The following SAMM50 variants were observed in gnomAD, a reference collection of about 807,000 sequenced individuals.
SAMM50 encodes the protein SAMM50 sorting and assembly machinery component, also known as sorting and assembly machinery component 50 homolog.
A neutral mutation model predicts 66.9 loss-of-function variants in SAMM50; 47 were observed. The observed-to-expected ratio is 0.70, with a 90% confidence interval of 0.56 to 0.90. The LOEUF is 0.90. SAMM50 is among the 40% of genes least tolerant of loss of function. The pLI, the probability that SAMM50 is intolerant of heterozygous loss-of-function variation, is 0.00. For synonymous variants in SAMM50, 191 were observed against 214.1 expected (o/e 0.89, Z 0.94); for missense variants, 535 against 595.3 (o/e 0.90, Z 1.05).
intron 10 of SAMM50, among the ~76,000 whole-genome samples, chr22:43,980,054 A>C: frequency 6.7e-6 from 1 of 149,470 alleles, no homozygotes. Context: ...CCATCTACCC[A>C]CCCATTTACC....
intron 3 of SAMM50, among the ~76,000 whole-genome samples, chr22:43,966,631 C>T (rs2050174859): frequency 6.6e-6 from 1 of 152,286 alleles, no homozygotes; most frequent in Admixed American, 6.5e-5. Context: ...GCTGGGATTA[C>T]AGGTGTGAGC....
At chr22:43,986,677 G>A (rs1262821501) in intron 12 of SAMM50, 1 of 151,474 alleles carries the variant, frequency 6.6e-6, no homozygotes, top group African/African-American at 2.4e-5. Context: ...TCAACCTCCT[G>A]AATAGCTGGG....
chr22:43,958,786 CT>C (rs1005931687), intron 1 of SAMM50, among the ~76,000 whole-genome samples: 1 of 152,032 alleles, frequency 6.6e-6, no homozygotes, highest in African/African-American at 2.4e-5. Context: ...CTGTGGAGCT[CT>C]TTTTACATTA....
intron 10 of SAMM50, among the ~76,000 whole-genome samples, chr22:43,980,090 A>G (rs56077346): frequency 0.34 from 42,696 of 126,138 alleles, 6,723 homozygotes; most frequent in African/African-American, 0.54. Flanking sequence ...CCGTCCGTCC[A>G]TCCATCCACC....
chr22:43,991,051 A>G (rs1265793044), intron 14 of SAMM50, among the ~76,000 whole-genome samples: 2 of 150,872 alleles, frequency 1.3e-5, no homozygotes, highest in Middle Eastern at 6.4e-3. Flanking sequence ...ATCTTGGCTC[A>G]CTGCAACCTC....
Position 43,964,471 on chromosome 22 carries a change from A to G in SAMM50, c.152A>G (p.His51Arg). ...ENKDVVVQHV[H>R]FDGLGRTKDD... Reference sequence around the variant, plus strand: ...TTTTAGGTGGTTGTTCAACATGTTCATTTTGATGGACTTGGAAGGACTAAA... The same window carrying G: ...TTTTAGGTGGTTGTTCAACATGTTCGTTTTGATGGACTTGGAAGGACTAAA... Residue 51 changes from histidine (H) to arginine (R), a missense_variant, in exon 3 of 15, where the codon CAT becomes CGT. His to Arg is a conservative substitution (Grantham distance 29). Coordinates refer to ENST00000350028, the MANE Select transcript of SAMM50 (RefSeq NM_015380.5). The G allele has an allele frequency of 6.2e-7, 1 of 1,609,792 alleles. No homozygotes were observed.
intron 1 of SAMM50, among the ~76,000 whole-genome samples, chr22:43,960,603 C>T (rs1233669505): frequency 3.3e-5 from 5 of 152,094 alleles, no homozygotes; most frequent in Non-Finnish European, 2.9e-5. Flanking sequence ...GTGGCACGCA[C>T]CTGTAATCCC....
intron 1 of SAMM50, chr22:43,956,963 G>T: frequency 1.6e-6 from 1 of 622,048 alleles, no homozygotes; most frequent in Non-Finnish European, 2.9e-6. Flanking sequence ...AGTGCAACCT[G>T]AGCTCTTCCT....
At chr22:43,982,106 CT>C in intron 11 of SAMM50, among the ~76,000 whole-genome samples, 1 of 152,176 alleles carries the variant, frequency 6.6e-6, no homozygotes, top group African/African-American at 2.4e-5. Flanking sequence ...GGCAAAAAAA[CT>C]TTTTTTTCAA....
Position 43,968,795 on chromosome 22 carries a change from A to G in SAMM50, c.299A>G (p.Asp100Gly), listed in dbSNP as rs1282216096. ...CGTCTTGGAATTTTTAGACAAGTGG[A>G]TGTTTTGATTGACACATGTCAAGGT... ...LLRLGIFRQV[D>G]VLIDTCQGDD... The change falls in exon 4 of 15, where the codon GAT becomes GGT. Residue 100 changes from aspartate to glycine, a missense_variant. By Grantham distance (94) the Asp-to-Gly change is moderately conservative. Transcript: ENST00000350028. The G allele has an allele frequency of 5.0e-6, 8 of 1,611,872 alleles. No individual in the cohort carries two copies. The highest frequency in any genetic ancestry group is 5.1e-6 in the Non-Finnish European group (6 of 1,177,930).
At chr22:43,978,016 C>G (rs1447898726) in intron 10 of SAMM50, 58 bp downstream of exon 10, 1 of 1,156,278 alleles carries the variant, frequency 8.6e-7, no homozygotes, top group Non-Finnish European at 1.3e-6. Flanking sequence ...GGGGATCTTA[C>G]CACAGAATCT....
At chr22:43,960,877 T>C (rs910661930) in intron 1 of SAMM50, among the ~76,000 whole-genome samples, 2 of 152,142 alleles carry the variant, frequency 1.3e-5, no homozygotes, top group African/African-American at 2.4e-5. Context: ...TGAAGCTTCA[T>C]AGGGGCAAGT....
intron 4 of SAMM50, among the ~76,000 whole-genome samples, chr22:43,969,692 G>A (rs1041194151): frequency 1.3e-5 from 2 of 152,240 alleles, no homozygotes; most frequent in African/African-American, 4.8e-5. Context: ...AGAAGGGCTG[G>A]TAGTGAGGTG....
At chr22:43,985,575 C>T (rs2050288028) in intron 12 of SAMM50, among the ~76,000 whole-genome samples, 1 of 152,056 alleles carries the variant, frequency 6.6e-6, no homozygotes, top group African/African-American at 2.4e-5. Flanking sequence ...TCTGGAAGTA[C>T]CACAGTTTGT....
intron 2 of SAMM50, among the ~76,000 whole-genome samples, chr22:43,963,629 T>C (rs975587588): frequency 3.9e-5 from 6 of 152,234 alleles, no homozygotes; most frequent in Non-Finnish European, 5.9e-5. Context: ...CACACTTTTG[T>C]ATTTATGACA....
chr22:43,979,844 C>T, intron 10 of SAMM50, among the ~76,000 whole-genome samples: 1 of 151,812 alleles, frequency 6.6e-6, no homozygotes, highest in Non-Finnish European at 1.5e-5. Context: ...CTCACCCTGA[C>T]TTTCAGGCAC....
chr22:43,973,907 C>G (rs1319414857), intron 7 of SAMM50, among the ~76,000 whole-genome samples: 2 of 152,188 alleles, frequency 1.3e-5, no homozygotes, highest in Non-Finnish European at 2.9e-5. Context: ...GCCACTGCAC[C>G]TGGTCCGGAA....
Position 43,955,474 on chromosome 22 carries a change from C to T in SAMM50, c.-104C>T. 3 of 1,377,494 alleles carry T rather than the reference C, an allele frequency of 2.2e-6. No individual in the cohort carries two copies. Among genetic ancestry groups the T allele is most frequent in the Non-Finnish European group, 3.0e-6 (3 of 994,572 alleles). The allele number at this position is 1,377,494 out of a possible 1,614,324, so 85.3% of individuals were successfully genotyped here. On this transcript the variant is annotated 5_prime_UTR_variant, in exon 1 of 15. Transcript: ENST00000350028. ...CGCGTCCGGGGGTTTGTGGGAGTTG[C>T]CTTGACCTGCAGCTCCGCCACCGCG...
At position 43,973,267 on chromosome 22, in the gene SAMM50, C is replaced by CAGTT. The variant is rs1569029033; in HGVS notation, c.593_596dup (p.Phe199LeufsTer17). 5 of 1,607,584 alleles carry CAGTT rather than the reference C, an allele frequency of 3.1e-6. No individual in the cohort carries two copies. The highest frequency in any genetic ancestry group is 3.4e-6 in the Non-Finnish European group (4 of 1,174,074). On this transcript the variant is annotated frameshift_variant, in exon 7 of 15. Coordinates refer to ENST00000350028, the MANE Select transcript of SAMM50 (RefSeq NM_015380.5). LOFTEE classifies it high-confidence loss of function. ...TGTAAACTTATATAAAGTTACTGGACAGTTCCCTTGGAGCTCACTGCGGGA... is the reference window on the plus strand; with the variant it reads ...TGTAAACTTATATAAAGTTACTGGACAGTTAGTTCCCTTGGAGCTCACTGCGGGA...
Sources: gnomAD v4.1 joint callset for allele counts (sites outside exome capture counted in the v4.1 genomes callset) on GRCh38, gnomAD v4.1.1 for gene constraint, MANE v1.5 for transcripts, NCBI Gene and HGNC (gene_info 2026-07-23, HGNC 2026-07-21) for gene names.